The following EP400 variants were observed in gnomAD, a reference collection of about 807,000 sequenced individuals.
EP400 encodes the protein E1A-binding protein p400.
In EP400, 105 loss-of-function variants were observed where a neutral mutation model predicts 354.1. That is an observed-to-expected ratio of 0.30 (90% CI 0.25 to 0.35). The LOEUF (loss-of-function observed/expected upper bound fraction) is 0.35, where lower values mean the gene tolerates loss of function less well. Among genes scored for constraint, EP400 ranks in the 10% least tolerant of loss-of-function variants. The probability of loss-of-function intolerance (pLI) is 1.00; values close to 1 mark genes in which losing one functional copy is unlikely to be tolerated. For synonymous variants in EP400, 1,646 were observed against 1,716.9 expected (o/e 0.96, Z 1.02); for missense variants, 3,280 against 4,121.0 (o/e 0.80, Z 5.59).
intron 12 of EP400, among the ~76,000 whole-genome samples, chr12:132,001,323 C>T (rs566934451): frequency 1.8e-4 from 28 of 152,308 alleles, no homozygotes; most frequent in Middle Eastern, 3.4e-3. Flanking sequence ...GGACAGGGGG[C>T]CCTCCCCTGC....
At position 132,064,859 on chromosome 12, in the gene EP400, C is replaced by A. The variant is rs752152940; in HGVS notation, c.8526C>A (p.Thr2842=). The A allele has an allele frequency of 6.2e-7, 1 of 1,610,346 alleles. No homozygotes were observed. Residue 2842 remains threonine, a synonymous_variant, in exon 48 of 53, where the codon ACC becomes ACA. Transcript: ENST00000389561. ...PRPGALLTGT[T]VANLQVARLT... ...CTGGTGCCCTGCTGACGGGCACCAC[C>A]GTGGCCAACCTCCAGGTGGCCCGGC...
At chr12:132,074,556 GTC>G (rs1896172902) in intron 51 of EP400, among the ~76,000 whole-genome samples, 1 of 152,172 alleles carries the variant, frequency 6.6e-6, no homozygotes, top group Admixed American at 6.5e-5. Flanking sequence ...ATCTCGGGCA[GTC>G]TCTCTCATGT....
chr12:131,992,319 C>A, intron 11 of EP400, 89 bp downstream of exon 11: 2 of 1,215,184 alleles, frequency 1.6e-6, no homozygotes, highest in South Asian at 1.4e-5. Context: ...TTAGTCTTGT[C>A]ATCTTCAGCT....
In EP400 at chr12:132,062,208, G is replaced by T. The variant is rs758669690; in HGVS notation, c.7983G>T (p.Met2661Ile). The change falls in exon 46 of 53, where the codon ATG becomes ATT. Residue 2661 changes from methionine to isoleucine, a missense_variant. Transcript: ENST00000389561. ...CGGCGACCCCTGACCTGGTGTCCAT[G>T]GCAACGACTCAGGGTGTTCGAGCGG... ...PATATPDLVSMATTQGVRAVT... is the reference protein window; with the variant it reads ...PATATPDLVSIATTQGVRAVT... 1.4e-5 allele frequency: 23 copies of T among 1,614,188 alleles called. No individual in the cohort carries two copies. The highest frequency in any genetic ancestry group is 1.9e-5 in the Non-Finnish European group (22 of 1,180,030).
chr12:131,953,333 T>G (rs996532681), intron 1 of EP400, among the ~76,000 whole-genome samples: 1 of 152,224 alleles, frequency 6.6e-6, no homozygotes, highest in African/African-American at 2.4e-5. Context: ...GATGAAGCAC[T>G]TCTTCAGTTT....
intron 51 of EP400, 85 bp downstream of exon 51, chr12:132,069,726 C>T (rs1896013505): frequency 2.6e-6 from 4 of 1,564,316 alleles, no homozygotes; most frequent in African/African-American, 1.4e-5. Flanking sequence ...TTTGCGAGCT[C>T]CCAGCCCTTG....
At chr12:132,037,467 C>T (rs1482541798) in intron 30 of EP400, among the ~76,000 whole-genome samples, 2 of 152,150 alleles carry the variant, frequency 1.3e-5, no homozygotes, top group Non-Finnish European at 1.5e-5. Flanking sequence ...AAGAGTCTTC[C>T]GGAGGGGCCT....
chr12:131,955,726 C>T (rs1043072729), intron 1 of EP400, among the ~76,000 whole-genome samples: 9 of 151,854 alleles, frequency 5.9e-5, no homozygotes, highest in Non-Finnish European at 1.3e-4. Flanking sequence ...CTCATTGCAT[C>T]CTCCACCTCC....
At chr12:132,015,886 C>A (rs1005843615) in intron 19 of EP400, among the ~76,000 whole-genome samples, 1 of 152,134 alleles carries the variant, frequency 6.6e-6, no homozygotes, top group Non-Finnish European at 1.5e-5. Context: ...CAGCTCCCCC[C>A]TCCTCTTGCA....
intron 30 of EP400, among the ~76,000 whole-genome samples, chr12:132,034,642 A>G (rs752155978): frequency 6.6e-6 from 1 of 152,216 alleles, no homozygotes; most frequent in African/African-American, 2.4e-5. Flanking sequence ...CCCGGCACCC[A>G]TGGGGATTTC....
Position 132,062,237 on chromosome 12 carries a change from C to T in EP400, c.8012C>T (p.Thr2671Ile). ...MATTQGVRAV[T>I]SVTASAVVTT... ...ACGACTCAGGGTGTTCGAGCGGTCACTTCTGTGACAGCCTCGGCCGTGGTC... is the reference window on the plus strand; with the variant it reads ...ACGACTCAGGGTGTTCGAGCGGTCATTTCTGTGACAGCCTCGGCCGTGGTC... Residue 2671 changes from threonine to isoleucine, a missense_variant, in exon 46 of 53, where the codon ACT becomes ATT. Transcript: ENST00000389561. 6.2e-7 allele frequency: 1 copy of T among 1,614,230 alleles called. No individual in the cohort carries two copies. Among genetic ancestry groups the T allele is most frequent in the Non-Finnish European group, 8.5e-7 (1 of 1,180,040 alleles).
intron 30 of EP400, among the ~76,000 whole-genome samples, chr12:132,034,833 A>C (rs768498559): frequency 1.3e-5 from 2 of 151,804 alleles, no homozygotes; most frequent in African/African-American, 4.8e-5. Context: ...GTGTTAGAAC[A>C]CTCTTGAAGA....
rs538635049 is a variant in EP400 at position 132,073,058 on chromosome 12, T to C, written c.9021+3417T>C. Among the ~76,000 whole-genome samples, 3 of 152,318 alleles carry C rather than the reference T, an allele frequency of 2.0e-5. No homozygotes were observed. The South Asian group carries it at 6.2e-4, about 32-fold the overall frequency. On this transcript the variant is annotated intron_variant, in intron 51 of 52. Coordinates refer to ENST00000389561, the MANE Select transcript of EP400 (RefSeq NM_015409.5). ...CTCGCGGGCAGGTCCGGTGCTGTTGTGAGGTCAGGCTTTCCATCTCTGACT... is the reference window on the plus strand; with the variant it reads ...CTCGCGGGCAGGTCCGGTGCTGTTGCGAGGTCAGGCTTTCCATCTCTGACT...
chr12:132,012,518 T>G (rs1197155581), intron 16 of EP400, among the ~76,000 whole-genome samples: 1 of 152,240 alleles, frequency 6.6e-6, no homozygotes, highest in Non-Finnish European at 1.5e-5. Flanking sequence ...AAGTCTCCAC[T>G]TCTTAATACT....
chr12:132,044,130 T>C, intron 34 of EP400, 47 bp from the exon 35 acceptor site: 8 of 1,606,146 alleles, frequency 5.0e-6, no homozygotes, highest in Non-Finnish European at 6.8e-6. Flanking sequence ...GGGGCTGCTC[T>C]GAGCTGCACT....
At chr12:132,015,361 T>G (rs890484385) in intron 19 of EP400, among the ~76,000 whole-genome samples, 3 of 152,228 alleles carry the variant, frequency 2.0e-5, no homozygotes, top group Non-Finnish European at 4.4e-5. Context: ...TGGTGTCAGA[T>G]TTTTCAGTAG....
At chr12:132,016,702 C>T (rs1183655319) in intron 19 of EP400, among the ~76,000 whole-genome samples, 1 of 152,194 alleles carries the variant, frequency 6.6e-6, no homozygotes. Context: ...GTACTGCTGT[C>T]ATGGTAGCTT....
intron 6 of EP400, 133 bp from the exon 7 acceptor site, chr12:131,987,572 A>G (rs1215117591): frequency 1.4e-6 from 1 of 698,344 alleles, no homozygotes; most frequent in Non-Finnish European, 2.2e-6. Context: ...TTAAACTGGG[A>G]CCTTGTGCTT....
chr12:132,043,233 G>A, intron 32 of EP400, 71 bp from the exon 33 acceptor site: 2 of 1,531,924 alleles, frequency 1.3e-6, no homozygotes, highest in Non-Finnish European at 1.8e-6. Context: ...ACTTTACATG[G>A]GATAGCTCTT....
Sources: gnomAD v4.1 joint callset for allele counts (sites outside exome capture counted in the v4.1 genomes callset) on GRCh38, gnomAD v4.1.1 for gene constraint, MANE v1.5 for transcripts, NCBI Gene and HGNC (gene_info 2026-07-23, HGNC 2026-07-21) for gene names.